The following CD14 variants were observed in gnomAD, a reference collection of about 807,000 sequenced individuals.
The protein encoded by CD14 is monocyte differentiation antigen CD14.
CD14 carries 4 observed loss-of-function variants against 2.5 expected under a neutral mutation model. The observed-to-expected ratio is 1.63, with a 90% CI of 0.80 to 3.72. The LOEUF (loss-of-function observed/expected upper bound fraction) is 3.72. Ranked by LOEUF, CD14 falls within the 30% of genes most tolerant of loss-of-function variation. CD14 has a pLI of 0.01. For missense variants in CD14, 478 were observed against 497.8 expected (o/e 0.96, Z 0.38); for synonymous variants, 236 against 235.1 (o/e 1.00, Z -0.04).
In CD14 at chr5:140,632,971, A is replaced by G. The variant is rs776285862; in HGVS notation, c.13T>C (p.Ser5Pro). Residue 5 changes from serine (S) to proline (P), a missense_variant, in exon 2 of 2, where the codon TCC becomes CCC. Physicochemically the swap from Ser to Pro is moderately conservative, Grantham distance 74. Transcript: ENST00000302014. The surrounding 1 kb of genome is among the most constrained non-coding windows in gnomAD (Gnocchi z 6.2). The part of the protein sequence containing the change: MERA[S>P]CLLLLLLPLV... ...GGCAGCAGCAGCAGCAACAAGCAGG[A>G]CGCGCGCTCCTGGGGAGAGAGCAGA... The G allele has an allele frequency of 6.2e-7, 1 of 1,614,058 alleles. No individual in the cohort carries two copies. Among genetic ancestry groups the G allele is most frequent in the Admixed American group, 1.7e-5 (1 of 60,012 alleles).
In CD14 at chr5:140,632,258, G is replaced by A; in HGVS notation, c.726C>T (p.Ala242=). 1 of 1,613,708 alleles carries A rather than the reference G, an allele frequency of 6.2e-7. No homozygotes were observed. The highest frequency in any genetic ancestry group is 8.5e-7 in the Non-Finnish European group (1 of 1,180,034). Residue 242 remains alanine, a synonymous_variant, in exon 2 of 2, where the codon GCC becomes GCT. Transcript: ENST00000302014. This position sits in a 1 kb window ranked among gnomAD's most constrained non-coding sequence, Gnocchi z 6.2. ...GCTGCACACCTGCCGCCGCCAGTGC[G>A]GCGCACACGCCTGTGGGCGTCTCCA... ...TGMETPTGVC[A]ALAAAGVQPH...
chr5:140,633,279 G>T, upstream of CD14: 1 of 649,804 alleles, frequency 1.5e-6, no homozygotes, highest in Non-Finnish European at 2.7e-6. Context: ...CTCCGAGCCA[G>T]CCCCCTTCCT....
upstream of CD14, chr5:140,633,523 C>T (rs1756689378): frequency 4.3e-6 from 1 of 233,802 alleles, no homozygotes; most frequent in Non-Finnish European, 8.6e-6. Context: ...ACCCCCCAAT[C>T]CCCCTACCTT....
At chr5:140,633,178 ACTCTTCGGCTGC>A, upstream of CD14, 2 of 1,419,398 alleles carry the variant, frequency 1.4e-6, no homozygotes, top group South Asian at 1.2e-5. Context: ...ACACTTGTGA[ACTCTTCGGCTGC>A]CTCTGACAGT....
intron 1 of CD14, 37 bp downstream of exon 1, chr5:140,633,032 G>T (rs757727615): frequency 4.3e-5 from 70 of 1,613,364 alleles, no homozygotes; most frequent in Non-Finnish European, 5.6e-5. Context: ...TGTGGCTCCC[G>T]AGTGGCACGC....
Position 140,632,552 on chromosome 5 carries a change from A to G in CD14, c.432T>C (p.Leu144=), listed in dbSNP as rs1468791370. ...ACACGTTGCGTAGGCGCAAGCTGGA[A>G]AGTGCAAGTCCTGTGGCTTCCAGAG... The part of the protein sequence containing the change: ...PLPLEATGLA[L]SSLRLRNVSW... The change falls in exon 2 of 2, where the codon CTT becomes CTC. Residue 144 remains leucine (L), a synonymous_variant. Coordinates refer to ENST00000302014, the MANE Select transcript of CD14 (RefSeq NM_000591.4). The surrounding 1 kb of genome is among the most constrained non-coding windows in gnomAD (Gnocchi z 6.2). 1 of 1,614,140 alleles carries G rather than the reference A, an allele frequency of 6.2e-7. No individual in the cohort carries two copies. Among genetic ancestry groups the G allele is most frequent in the Admixed American group, 1.7e-5 (1 of 60,032 alleles).
At position 140,632,232 on chromosome 5, in the gene CD14, G is replaced by A. The variant is rs764093281; in HGVS notation, c.752C>T (p.Pro251Leu). Residue 251 changes from proline (P) to leucine (L), a missense_variant, in exon 2 of 2, where the codon CCC becomes CTC. By Grantham distance (98) the Pro-to-Leu change is moderately conservative. Coordinates refer to ENST00000302014, the MANE Select transcript of CD14 (RefSeq NM_000591.4). This position sits in a 1 kb window ranked among gnomAD's most constrained non-coding sequence, Gnocchi z 6.2. ...CAALAAAGVQ[P>L]HSLDLSHNSL... ...GTTGTGGCTGAGGTCTAGGCTGTGG[G>A]GCTGCACACCTGCCGCCGCCAGTGC... is the stretch of plus-strand genomic sequence containing the variant. 1 of 1,613,644 alleles carries A rather than the reference G, an allele frequency of 6.2e-7. No individual in the cohort carries two copies. Among genetic ancestry groups the A allele is most frequent in the Non-Finnish European group, 8.5e-7 (1 of 1,180,038 alleles).
rs543466008 is a variant in CD14 at position 140,631,910 on chromosome 5, C to G, written c.1074G>C (p.Ser358=). The change falls in exon 2 of 2, where the codon TCG becomes TCC. Residue 358 remains serine, a synonymous_variant. Coordinates refer to ENST00000302014, the MANE Select transcript of CD14 (RefSeq NM_000591.4). The part of the protein sequence containing the change: ...VVPACARSTL[S]VGVSGTLVLL... ...GCACCAGGGTTCCCGACACCCCCAC[C>G]GACAGGGTCGAACGTGCACAGGCTG... The G allele has an allele frequency of 1.3e-6, 2 of 1,598,224 alleles. No homozygotes were observed. Among genetic ancestry groups the G allele is most frequent in the South Asian group, 2.2e-5 (2 of 90,038 alleles).
chr5:140,631,817 C>G lies in CD14; in HGVS notation c.*39G>C. ...CGTCCTGACGGGACTCCCCTGAAGC[C>G]AAGGCAGTTTGAGTCCATTCATTAT... On this transcript the variant is annotated 3_prime_UTR_variant, in exon 2 of 2. Coordinates refer to ENST00000302014, the MANE Select transcript of CD14 (RefSeq NM_000591.4). 6.6e-7 allele frequency: 1 copy of G among 1,513,094 alleles called. No individual in the cohort carries two copies. The highest frequency in any genetic ancestry group is 8.9e-7 in the Non-Finnish European group (1 of 1,127,432). 93.7% of individuals were successfully genotyped at this position (1,513,094 alleles called of 1,614,324 possible). A position where few individuals can be genotyped will look rare whatever the true frequency, so the allele number is the denominator to read the frequency against.
chr5:140,631,736 G>C lies in CD14; in HGVS notation c.*120C>G, dbSNP rs3776138. 6.0e-3 allele frequency: 5,805 copies of C among 959,734 alleles called. 282 individuals carry two copies. In the Admixed American group the frequency reaches 0.11, roughly 18 times the overall value. The allele number at this position is 959,734 out of a possible 1,614,324, so 59.5% of individuals were successfully genotyped here. On this transcript the variant is annotated 3_prime_UTR_variant, in exon 2 of 2. Transcript: ENST00000302014. Reference sequence around the variant, plus strand: ...GTTAAATGAATGACACGGACCCGTTGTTTAAGATTTTAATAAAGGTGGGGC... The same window carrying C: ...GTTAAATGAATGACACGGACCCGTTCTTTAAGATTTTAATAAAGGTGGGGC...
At chr5:140,633,474 C>T, upstream of CD14, 1 of 393,628 alleles carries the variant, frequency 2.5e-6, no homozygotes, top group South Asian at 2.2e-5. Flanking sequence ...AAGGATGATC[C>T]TCAGTGCCTT....
At position 140,631,857 on chromosome 5, in the gene CD14, T is replaced by C. The variant is rs950690764; in HGVS notation, c.1127A>G (p.Ter376=). ...VLLQGARGFA[*] is the part of the protein sequence containing the mutation. ...CCATTCATTATTCTGTCTTGGATCT[T>C]AGGCAAAGCCCCGGGCCCCTTGGAG... The change falls in exon 2 of 2, where the codon TAA becomes TGA. Residue 376 remains the stop codon, a stop_retained_variant. Transcript: ENST00000302014. 1.3e-6 allele frequency: 2 copies of C among 1,548,728 alleles called. No homozygotes were observed. The highest frequency in any genetic ancestry group is 1.2e-5 in the South Asian group (1 of 81,760).
chr5:140,632,129 G>A lies in CD14; in HGVS notation c.855C>T (p.Phe285=). The A allele has an allele frequency of 1.2e-6, 2 of 1,614,194 alleles. No individual in the cohort carries two copies. Among genetic ancestry groups the A allele is most frequent in the Non-Finnish European group, 1.7e-6 (2 of 1,180,048 alleles). ...CTTTAGGCACCTGTTCCAGCCCAGC[G>A]AACGACAGATTGAGGGAGTTCAGGG... ...SSALNSLNLS[F]AGLEQVPKGL... Residue 285 remains phenylalanine, a synonymous_variant, in exon 2 of 2, where the codon TTC becomes TTT. Coordinates refer to ENST00000302014, the MANE Select transcript of CD14 (RefSeq NM_000591.4). The surrounding 1 kb of genome is among the most constrained non-coding windows in gnomAD (Gnocchi z 6.2).
Position 140,632,748 on chromosome 5 carries a change from G to A in CD14, c.236C>T (p.Pro79Leu), listed in dbSNP as rs1327949539. 16 of 1,613,302 alleles carry A rather than the reference G, an allele frequency of 9.9e-6. No homozygotes were observed. The highest frequency in any genetic ancestry group is 1.4e-5 in the Non-Finnish European group (16 of 1,179,988). ...FLKRVDADADPRQYADTVKAL... is the reference protein window; with the variant it reads ...FLKRVDADADLRQYADTVKAL... ...CTTGACCGTGTCAGCATACTGCCGCGGGTCGGCGTCCGCATCGACGCGCTT... is the reference window on the plus strand; with the variant it reads ...CTTGACCGTGTCAGCATACTGCCGCAGGTCGGCGTCCGCATCGACGCGCTT... Residue 79 changes from proline to leucine, a missense_variant, in exon 2 of 2, where the codon CCG becomes CTG. Coordinates refer to ENST00000302014, the MANE Select transcript of CD14 (RefSeq NM_000591.4). The surrounding 1 kb of genome is among the most constrained non-coding windows in gnomAD (Gnocchi z 6.2).
At chr5:140,633,176 G>A (rs1459703661), upstream of CD14, 24 of 1,430,958 alleles carry the variant, frequency 1.7e-5, no homozygotes, top group Non-Finnish European at 2.3e-5. Context: ...TCACACTTGT[G>A]AACTCTTCGG....
Position 140,632,041 on chromosome 5 carries a change from G to C in CD14, c.943C>G (p.Pro315Ala), listed in dbSNP as rs768265960. The part of the protein sequence containing the change: ...SCNRLNRAPQ[P>A]DELPEVDNLT... ...TTATCCACCTCGGGCAGCTCGTCAG[G>C]CTGCGGCGCCCTGTTCAGTCTGTTG... The change falls in exon 2 of 2, where the codon CCT becomes GCT. Residue 315 changes from proline (P) to alanine (A), a missense_variant. Physicochemically the swap from Pro to Ala is conservative, Grantham distance 27 (BLOSUM62 -1). Coordinates refer to ENST00000302014, the MANE Select transcript of CD14 (RefSeq NM_000591.4). The surrounding 1 kb of genome is among the most constrained non-coding windows in gnomAD (Gnocchi z 6.2). The C allele has an allele frequency of 1.2e-6, 2 of 1,614,106 alleles. No individual in the cohort carries two copies. The highest frequency in any genetic ancestry group is 1.3e-5 in the African/African-American group (1 of 74,932).
chr5:140,631,883 C>A lies in CD14; in HGVS notation c.1101G>T (p.Leu367=), dbSNP rs4914. ...LSVGVSGTLV[L]LQGARGFA The stretch of plus-strand genomic sequence containing the variant: ...AGGCAAAGCCCCGGGCCCCTTGGAG[C>A]AGCACCAGGGTTCCCGACACCCCCA... The change falls in exon 2 of 2, where the codon CTG becomes CTT. Residue 367 remains leucine, a synonymous_variant. Coordinates refer to ENST00000302014, the MANE Select transcript of CD14 (RefSeq NM_000591.4). 1.0e-5 allele frequency: 16 copies of A among 1,577,456 alleles called. No individual in the cohort carries two copies. In the Admixed American group the frequency reaches 1.9e-4, roughly 19 times the overall value.
In CD14 at chr5:140,632,232, G is replaced by C. The variant is rs764093281; in HGVS notation, c.752C>G (p.Pro251Arg). Residue 251 changes from proline (P) to arginine (R), a missense_variant, in exon 2 of 2, where the codon CCC becomes CGC. Physicochemically the swap from Pro to Arg is moderately radical, Grantham distance 103. Transcript: ENST00000302014. This position sits in a 1 kb window ranked among gnomAD's most constrained non-coding sequence, Gnocchi z 6.2. ...GTTGTGGCTGAGGTCTAGGCTGTGGGGCTGCACACCTGCCGCCGCCAGTGC... is the reference window on the plus strand; with the variant it reads ...GTTGTGGCTGAGGTCTAGGCTGTGGCGCTGCACACCTGCCGCCGCCAGTGC... ...CAALAAAGVQ[P>R]HSLDLSHNSL... 6.2e-7 allele frequency: 1 copy of C among 1,613,526 alleles called. No individual in the cohort carries two copies. The highest frequency in any genetic ancestry group is 1.1e-5 in the South Asian group (1 of 91,082).
chr5:140,633,347 T>C (rs1756682502), upstream of CD14: 2 of 577,754 alleles, frequency 3.5e-6, no homozygotes, highest in East Asian at 3.0e-5. Context: ...ACAGGAAGGA[T>C]TCTGCAGGGC....
Sources: allele counts gnomAD v4.1 joint callset, GRCh38; gene constraint gnomAD v4.1.1; non-coding constraint Gnocchi (gnomAD v3.1); transcripts MANE v1.5; gene names NCBI Gene and HGNC (gene_info 2026-07-23, HGNC 2026-07-21).